CSMD2: variants seen among roughly 807,000 people sequenced by gnomAD.
The protein encoded by CSMD2 is CUB and Sushi multiple domains 2.
A neutral mutation model predicts 398.5 loss-of-function variants in CSMD2; 130 were observed. The ratio of observed to expected loss-of-function variants is 0.33; its 90% CI spans 0.28 to 0.38. The LOEUF is 0.38. Among genes scored for constraint, CSMD2 ranks in the 10% least tolerant of loss-of-function variants. The pLI, the probability that CSMD2 is intolerant of heterozygous loss-of-function variation, is 1.00. For synonymous variants in CSMD2, 1,828 were observed against 1,908.5 expected, an observed-to-expected ratio of 0.96 and a Z score of 1.10; for missense variants, 3,829 against 4,764.9, an observed-to-expected ratio of 0.80 and a Z score of 5.78.
In CSMD2 at chr1:33,677,259, T is replaced by G. The variant is rs543059872; in HGVS notation, c.4053-14167A>C. Among the ~76,000 whole-genome samples, 18 of 152,048 alleles carry G rather than the reference T, an allele frequency of 1.2e-4. 1 individual carries two copies. The East Asian group carries it at 1.5e-3, about 13-fold the overall frequency. On this transcript the variant is annotated intron_variant, in intron 25 of 70. Transcript: ENST00000373381. ...AATCTACAGTGAACTCAAACAAATT[T>G]ACAAGAAAAAAACAAACAACCCCAT...
chr1:33,661,354 C>A (rs575650470), intron 26 of CSMD2, among the ~76,000 whole-genome samples: 2 of 152,094 alleles, frequency 1.3e-5, no homozygotes, highest in African/African-American at 4.8e-5. Flanking sequence ...ATTGCTTATT[C>A]CAGCAACTTC....
intron 6 of CSMD2, among the ~76,000 whole-genome samples, chr1:33,841,717 A>G (rs973772665): frequency 1.1e-4 from 17 of 152,152 alleles, no homozygotes; most frequent in African/African-American, 3.9e-4. Flanking sequence ...TCATTTTAAC[A>G]TACTCTTAGG....
intron 5 of CSMD2, among the ~76,000 whole-genome samples, chr1:33,857,038 T>C (rs1485764854): frequency 6.6e-6 from 1 of 152,032 alleles, no homozygotes; most frequent in Non-Finnish European, 1.5e-5. Context: ...AGAAACTAAT[T>C]TGGGGTAGAG....
intron 27 of CSMD2, among the ~76,000 whole-genome samples, chr1:33,657,575 A>G (rs909763433): frequency 6.6e-6 from 1 of 152,160 alleles, no homozygotes; most frequent in African/African-American, 2.4e-5. Context: ...GTGCCCTTCT[A>G]TTGCTTCAGG....
rs1057491076 is a variant in CSMD2 at position 34,165,081 on chromosome 1, C to A, written c.17G>T (p.Gly6Val). MPRSR[G>V]RELGRCGCPA... ...GCAGCCGCAGCGCCCCAGCTCCCGT[C>A]CCCGCGAGCGCGGCATGGCGCGGCC... The change falls in exon 1 of 71, where the codon GGA becomes GTA. Residue 6 changes from glycine to valine, a missense_variant. Transcript: ENST00000373381. 1.6e-6 allele frequency: 2 copies of A among 1,214,740 alleles called. No individual in the cohort carries two copies. The highest frequency in any genetic ancestry group is 3.3e-5 in the East Asian group (1 of 30,190). The allele number at this position is 1,214,740 out of a possible 1,614,324, so 75.2% of individuals were successfully genotyped here.
intron 3 of CSMD2, among the ~76,000 whole-genome samples, chr1:34,005,557 A>C (rs1436776733): frequency 6.6e-6 from 1 of 152,224 alleles, no homozygotes; most frequent in Non-Finnish European, 1.5e-5. Context: ...CAAATTAGCC[A>C]TGTGGCCACA....
At chr1:33,605,945 A>G in intron 41 of CSMD2, 5 of 1,613,806 alleles carry the variant, frequency 3.1e-6, no homozygotes, top group Non-Finnish European at 4.2e-6. Context: ...CCGAGAGATC[A>G]AAACCTCTCA....
chr1:33,832,982 C>T (rs1659780463), intron 6 of CSMD2, among the ~76,000 whole-genome samples: 1 of 151,256 alleles, frequency 6.6e-6, no homozygotes, highest in East Asian at 2.0e-4. Context: ...AGACCAATAA[C>T]AGGATCTGAA....
In CSMD2 at chr1:33,792,515, G is replaced by A. The variant is rs377465082; in HGVS notation, c.1458C>T (p.Leu486=). Residue 486 remains leucine, a synonymous_variant, in exon 11 of 71, where the codon CTC becomes CTT. Coordinates refer to ENST00000373381, the MANE Select transcript of CSMD2 (RefSeq NM_001281956.2). ...TALNPSKVIK[L]AFEEFDLERG... Reference sequence around the variant, plus strand: ...TCTCCAAATCAAACTCCTCAAAGGCGAGCTTGATCACCTAGGGAGGGAACA... The same window carrying A: ...TCTCCAAATCAAACTCCTCAAAGGCAAGCTTGATCACCTAGGGAGGGAACA... 1.5e-5 allele frequency: 24 copies of A among 1,613,254 alleles called. No individual in the cohort carries two copies. Among genetic ancestry groups the A allele is most frequent in the Non-Finnish European group, 1.6e-5 (19 of 1,179,368 alleles).
At position 34,087,961 on chromosome 1, in the gene CSMD2, G is replaced by C. The variant is rs144418236; in HGVS notation, c.404+1016C>G. On this transcript the variant is annotated intron_variant, in intron 2 of 70. Transcript: ENST00000373381. Reference sequence around the variant, plus strand: ...GTCTTTTCTGGGAGAAGCTGCAGAAGGGGTGCAGGGGGCCCCAGATGCCCC... The same window carrying C: ...GTCTTTTCTGGGAGAAGCTGCAGAACGGGTGCAGGGGGCCCCAGATGCCCC... 4.4e-3 allele frequency among the ~76,000 whole-genome samples: 663 copies of C among 152,298 alleles called. 2 individuals carry two copies. Among genetic ancestry groups the C allele is most frequent in the Non-Finnish European group, 7.0e-3 (473 of 68,020 alleles).
chr1:34,061,378 G>A (rs745322918), intron 2 of CSMD2, among the ~76,000 whole-genome samples: 8 of 152,136 alleles, frequency 5.3e-5, no homozygotes, highest in East Asian at 1.9e-4. Flanking sequence ...GATTGGCCCC[G>A]TTTCGCAACG....
At chr1:34,004,731 C>T (rs75160162) in intron 3 of CSMD2, among the ~76,000 whole-genome samples, 1,720 of 152,122 alleles carry the variant, frequency 0.011, 61 homozygotes, top group East Asian at 0.11. Flanking sequence ...CCCTAGGGGG[C>T]TTTTTAGAAC....
At chr1:34,050,020 G>A (rs1221335891) in intron 2 of CSMD2, among the ~76,000 whole-genome samples, 1 of 152,212 alleles carries the variant, frequency 6.6e-6, no homozygotes, top group African/African-American at 2.4e-5. Context: ...AAGCCAGGAT[G>A]AAACCTCTCA....
At chr1:34,153,141 C>T (rs1279093454) in intron 1 of CSMD2, among the ~76,000 whole-genome samples, 7 of 152,170 alleles carry the variant, frequency 4.6e-5, no homozygotes, top group African/African-American at 1.4e-4. Flanking sequence ...CCCAGCCTCC[C>T]GAGTAGCTGG....
chr1:34,132,161 C>T (rs545587505), intron 1 of CSMD2, among the ~76,000 whole-genome samples: 2 of 152,228 alleles, frequency 1.3e-5, no homozygotes, highest in East Asian at 1.9e-4. Flanking sequence ...GGAACAGACT[C>T]GGGATGGATG....
At chr1:34,120,360 A>G (rs888788981) in intron 1 of CSMD2, among the ~76,000 whole-genome samples, 3 of 152,204 alleles carry the variant, frequency 2.0e-5, no homozygotes, top group African/African-American at 7.2e-5. Context: ...AAAAAGTTCT[A>G]GAGTTCTATG....
chr1:33,918,893 G>A (rs951938959), intron 4 of CSMD2, among the ~76,000 whole-genome samples: 2 of 152,214 alleles, frequency 1.3e-5, no homozygotes, highest in African/African-American at 4.8e-5. Context: ...GATAGTTAAT[G>A]TGACAGTAAC....
rs1658719634 is a variant in CSMD2 at position 33,563,059 on chromosome 1, A to G, written c.8381-3586T>C. On this transcript the variant is annotated intron_variant, in intron 53 of 70. Transcript: ENST00000373381. ...GAAGAATAAGGCATCATTAGGAGGA[A>G]AGTAGAGGTCCTGATGAGGCTTGAG... Among the ~76,000 whole-genome samples, 6 of 152,260 alleles carry G rather than the reference A, an allele frequency of 3.9e-5. No homozygotes were observed. The South Asian group carries it at 1.2e-3, about 31-fold the overall frequency.
chr1:33,841,346 T>C (rs1181695890), intron 6 of CSMD2, among the ~76,000 whole-genome samples: 1 of 152,226 alleles, frequency 6.6e-6, no homozygotes, highest in African/African-American at 2.4e-5. Flanking sequence ...TTGATGAATA[T>C]GAGGATTGAG....
Sources: gnomAD v4.1 joint callset for allele counts (sites outside exome capture counted in the v4.1 genomes callset) on GRCh38, gnomAD v4.1.1 for gene constraint, MANE v1.5 for transcripts, NCBI Gene and HGNC (gene_info 2026-07-23, HGNC 2026-07-21) for gene names.